Variants in GMDS observed in about 807,000 individuals in gnomAD.
GMDS encodes GDP-mannose 4,6-dehydratase, also known as GDP-mannose 4,6 dehydratase.
In GMDS, 20 loss-of-function variants were observed where a neutral mutation model predicts 49.9. The ratio of observed to expected loss-of-function variants is 0.40; its 90% CI spans 0.28 to 0.58. The LOEUF is 0.58. Among genes scored for constraint, GMDS ranks in the 20% least tolerant of loss-of-function variants. GMDS has a pLI of 0.42. For synonymous variants in GMDS, 177 were observed against 178.6 expected, an observed-to-expected ratio of 0.99 and a Z score of 0.07; for missense variants, 362 against 481.4, an observed-to-expected ratio of 0.75 and a Z score of 2.32.
chr6:2,243,162 G>C (rs1781695837), intron 1 of GMDS, among the ~76,000 whole-genome samples: 1 of 152,208 alleles, frequency 6.6e-6, no homozygotes, highest in East Asian at 1.9e-4. Context: ...AGCCATGCAG[G>C]TGTTTTAAGT....
chr6:1,858,677 G>A (rs769374194), intron 7 of GMDS, among the ~76,000 whole-genome samples: 4 of 151,898 alleles, frequency 2.6e-5, no homozygotes, highest in Non-Finnish European at 5.9e-5. Flanking sequence ...TTCTGACACC[G>A]AGAGCCAATG....
intron 4 of GMDS, among the ~76,000 whole-genome samples, chr6:2,064,589 TTTC>T (rs939016342): frequency 1.3e-5 from 2 of 152,182 alleles, no homozygotes; most frequent in African/African-American, 4.8e-5. Context: ...TTCCCTACAA[TTTC>T]TTCTATATTA....
intron 7 of GMDS, among the ~76,000 whole-genome samples, chr6:1,890,530 T>C (rs1034357937): frequency 2.6e-5 from 4 of 152,212 alleles, no homozygotes; most frequent in African/African-American, 9.7e-5. Context: ...AGGCTGCTTT[T>C]TTACTTTTTT....
chr6:1,738,974 G>A (rs1006281472), intron 8 of GMDS, among the ~76,000 whole-genome samples: 4 of 152,158 alleles, frequency 2.6e-5, no homozygotes, highest in African/African-American at 9.7e-5. Context: ...GTGTTTCTGG[G>A]AGGACTTTCT....
At chr6:1,729,114 C>G (rs957494624) in intron 8 of GMDS, among the ~76,000 whole-genome samples, 1 of 152,186 alleles carries the variant, frequency 6.6e-6, no homozygotes, top group African/African-American at 2.4e-5. Flanking sequence ...TAGCAGTGGC[C>G]TGCACGGCTA....
intron 7 of GMDS, among the ~76,000 whole-genome samples, chr6:1,781,992 C>T (rs1341612686): frequency 1.3e-5 from 2 of 152,104 alleles, no homozygotes; most frequent in African/African-American, 4.8e-5. Flanking sequence ...CAACAGACTG[C>T]ACAGCAACAG....
At chr6:1,838,693 T>C (rs1408579769) in intron 7 of GMDS, among the ~76,000 whole-genome samples, 1 of 152,176 alleles carries the variant, frequency 6.6e-6, no homozygotes, top group Admixed American at 6.5e-5. Context: ...GAGCTCTCTA[T>C]TGAAAGGAGA....
At chr6:1,801,160 A>C (rs1307148824) in intron 7 of GMDS, among the ~76,000 whole-genome samples, 1 of 152,174 alleles carries the variant, frequency 6.6e-6, no homozygotes, top group East Asian at 1.9e-4. Context: ...ATTCTATGAG[A>C]CCTGCACCGA....
intron 7 of GMDS, among the ~76,000 whole-genome samples, chr6:1,832,887 C>T (rs777004598): frequency 9.2e-5 from 14 of 152,262 alleles, no homozygotes; most frequent in African/African-American, 2.2e-4. Flanking sequence ...GTGAAGCACA[C>T]GATGAACTTT....
intron 9 of GMDS, among the ~76,000 whole-genome samples, chr6:1,724,581 G>A (rs1460246839): frequency 6.6e-6 from 1 of 152,100 alleles, no homozygotes; most frequent in Non-Finnish European, 1.5e-5. Flanking sequence ...GGTTTCTGTT[G>A]GCTTAGTAAA....
chr6:2,171,028 T>A (rs779048419), intron 1 of GMDS, among the ~76,000 whole-genome samples: 1 of 152,142 alleles, frequency 6.6e-6, no homozygotes, highest in East Asian at 1.9e-4. Flanking sequence ...AAAACAAGTA[T>A]GTATCAGACT....
Position 1,970,411 on chromosome 6 carries a change from TCC to T in GMDS, c.346-9447_346-9446del, listed in dbSNP as rs1001600176. Reference sequence around the variant, plus strand: ...GCAGCTGGGGCCAGATGCAGATCTTTCCCCCGCCCCCGCCCCGCTCCAGAGCT... The same window carrying T: ...GCAGCTGGGGCCAGATGCAGATCTTTCCCGCCCCCGCCCCGCTCCAGAGCT... On this transcript the variant is annotated intron_variant, in intron 4 of 10. Coordinates refer to ENST00000380815, the MANE Select transcript of GMDS (RefSeq NM_001500.4). Among the ~76,000 whole-genome samples the T allele has an allele frequency of 1.6e-4, 24 of 152,148 alleles. 1 individual carries two copies. Among genetic ancestry groups the T allele is most frequent in the African/African-American group, 5.5e-4 (23 of 41,512 alleles).
At chr6:1,747,485 T>C (rs1377434610) in intron 7 of GMDS, among the ~76,000 whole-genome samples, 1 of 3,004 alleles carries the variant, frequency 3.3e-4, no homozygotes, top group African/African-American at 8.4e-4. Context: ...CTCATGCGTG[T>C]GCGCGCACAC....
At chr6:2,133,543 C>T (rs1178069620) in intron 1 of GMDS, among the ~76,000 whole-genome samples, 5 of 152,182 alleles carry the variant, frequency 3.3e-5, no homozygotes, top group African/African-American at 1.2e-4. Context: ...CCAGTTAAGA[C>T]CGTTCTTAAA....
At chr6:1,800,431 C>T (rs1216419573) in intron 7 of GMDS, among the ~76,000 whole-genome samples, 1 of 151,946 alleles carries the variant, frequency 6.6e-6, no homozygotes, top group Admixed American at 6.6e-5. Context: ...CTACTCACAA[C>T]CATTTCTTTT....
intron 1 of GMDS, among the ~76,000 whole-genome samples, chr6:2,239,937 G>A (rs1413528161): frequency 1.3e-5 from 2 of 152,088 alleles, no homozygotes; most frequent in East Asian, 3.9e-4. Context: ...CCAGAGATTT[G>A]GGAGGCCCGC....
chr6:2,183,464 T>C (rs535584583), intron 1 of GMDS, among the ~76,000 whole-genome samples: 1 of 152,334 alleles, frequency 6.6e-6, no homozygotes, highest in Admixed American at 6.5e-5. Flanking sequence ...AAAACTTGAA[T>C]GGCTGAGGAG....
At chr6:1,901,244 AC>A (rs1454583963) in intron 7 of GMDS, among the ~76,000 whole-genome samples, 2 of 152,170 alleles carry the variant, frequency 1.3e-5, no homozygotes, top group Admixed American at 6.5e-5. Context: ...TAATTACGAT[AC>A]GTTTCTCTCC....
intron 9 of GMDS, among the ~76,000 whole-genome samples, chr6:1,671,525 A>C (rs967325244): frequency 6.6e-6 from 1 of 152,208 alleles, no homozygotes; most frequent in African/African-American, 2.4e-5. Flanking sequence ...AATGTAAACC[A>C]CCAAGCAAAT....
Sources: gnomAD v4.1 joint callset for allele counts (sites outside exome capture counted in the v4.1 genomes callset) on GRCh38, gnomAD v4.1.1 for gene constraint, MANE v1.5 for transcripts, NCBI Gene and HGNC (gene_info 2026-07-23, HGNC 2026-07-21) for gene names.